The following CDH23 variants were observed in gnomAD, a reference collection of about 807,000 sequenced individuals.
The protein encoded by CDH23 is cadherin related 23.
In CDH23, 189 loss-of-function variants were observed where a neutral mutation model predicts 317.1. That is an observed-to-expected ratio of 0.60 (90% CI 0.53 to 0.67). The LOEUF (loss-of-function observed/expected upper bound fraction) is 0.67. CDH23 is among the 30% of genes least tolerant of loss of function. CDH23 has a pLI of 0.00. For missense variants in CDH23, 4,401 were observed against 4,592.4 expected, an observed-to-expected ratio of 0.96 and a Z score of 1.20; for synonymous variants, 1,839 against 1,876.8, an observed-to-expected ratio of 0.98 and a Z score of 0.52.
intron 31 of CDH23, among the ~76,000 whole-genome samples, chr10:71,731,290 C>T (rs1424556550): frequency 5.9e-5 from 9 of 152,252 alleles, no homozygotes; most frequent in Non-Finnish European, 1.3e-4. Context: ...TCCTTCATGT[C>T]AGCTACTCTG....
chr10:71,521,100 GC>G (rs1165033645), intron 6 of CDH23, among the ~76,000 whole-genome samples: 1 of 151,850 alleles, frequency 6.6e-6, no homozygotes, highest in Non-Finnish European at 1.5e-5. Context: ...CTATTAAAAA[GC>G]CCGCTCTTCT....
intron 3 of CDH23, among the ~76,000 whole-genome samples, chr10:71,466,032 C>T (rs970925355): frequency 3.9e-5 from 6 of 152,174 alleles, no homozygotes; most frequent in African/African-American, 1.2e-4. Context: ...TCCCCAGGGA[C>T]GGCTTCAACG....
At chr10:71,491,192 C>G (rs2132140519) in intron 3 of CDH23, among the ~76,000 whole-genome samples, 1 of 152,280 alleles carries the variant, frequency 6.6e-6, no homozygotes, top group East Asian at 1.9e-4. Flanking sequence ...TGCCCTGAGA[C>G]CCTCCTTCCA....
intron 18 of CDH23, among the ~76,000 whole-genome samples, chr10:71,685,254 G>A (rs536454195): frequency 1.5e-4 from 23 of 152,332 alleles, no homozygotes; most frequent in Non-Finnish European, 3.2e-4. Context: ...TGCAGGTGAT[G>A]TGGATGCTTC....
chr10:71,728,092 C>T (rs1866895960), intron 30 of CDH23, among the ~76,000 whole-genome samples: 1 of 152,084 alleles, frequency 6.6e-6, no homozygotes, highest in Non-Finnish European at 1.5e-5. Context: ...GTCATTTGGA[C>T]AAGCAGATTG....
At chr10:71,626,012 A>T (rs1377562254) in intron 11 of CDH23, among the ~76,000 whole-genome samples, 1 of 152,200 alleles carries the variant, frequency 6.6e-6, no homozygotes, top group Non-Finnish European at 1.5e-5. Context: ...ATCTCAAAAT[A>T]CCATTTACGC....
chr10:71,810,663 A>C, intron 62 of CDH23, 94 bp downstream of exon 62: 1 of 1,143,942 alleles, frequency 8.7e-7, no homozygotes, highest in Non-Finnish European at 1.3e-6. Flanking sequence ...GGAGACACAG[A>C]CCACACCATC....
intron 10 of CDH23, among the ~76,000 whole-genome samples, 174 bp downstream of exon 10, chr10:71,615,790 G>A (rs1011898095): frequency 1.3e-5 from 2 of 152,216 alleles, no homozygotes; most frequent in African/African-American, 4.8e-5. Context: ...CCATCAGGAA[G>A]GCACCCACGT....
At chr10:71,567,031 GCA>G in intron 7 of CDH23, 95 bp downstream of exon 7, 3 of 1,100,214 alleles carry the variant, frequency 2.7e-6, no homozygotes. Context: ...TGACCCAGTG[GCA>G]CACACTCGAT....
chr10:71,792,852 AAT>A (rs1554874675), intron 47 of CDH23, among the ~76,000 whole-genome samples: 1,114 of 38,464 alleles, frequency 0.029, 25 homozygotes, highest in Middle Eastern at 0.04. Flanking sequence ...AAAAAAAAAA[AAT>A]ATATATATAT....
chr10:71,695,453 C>T lies in CDH23; in HGVS notation c.2325C>T (p.His775=). 3.1e-6 allele frequency: 5 copies of T among 1,613,568 alleles called. No individual in the cohort carries two copies. The highest frequency in any genetic ancestry group is 4.2e-6 in the Non-Finnish European group (5 of 1,179,466). The change falls in exon 22 of 70, where the codon CAC becomes CAT. Residue 775 remains histidine (H), a synonymous_variant. Coordinates refer to ENST00000224721, the MANE Select transcript of CDH23 (RefSeq NM_022124.6). ...CCCTCCTGGACATCAATGACAACCA[C>T]CCCACGTGGAAGGACGCACCCTACT... ...NITLLDINDN[H]PTWKDAPYYI...
rs543747882 is a variant in CDH23 at position 71,567,629 on chromosome 10, T to C, written c.624+693T>C. On this transcript the variant is annotated intron_variant, in intron 7 of 69. Transcript: ENST00000224721. ...TCTCAGTCCAGTGCCCTGACCACCA[T>C]GCCCCATGGCTAGACATCTCCAGGT... Among the ~76,000 whole-genome samples the C allele has an allele frequency of 9.2e-5, 14 of 152,360 alleles. No individual in the cohort carries two copies. In the East Asian group the frequency reaches 2.3e-3, roughly 25 times the overall value.
intron 3 of CDH23, among the ~76,000 whole-genome samples, chr10:71,472,087 C>G (rs1195236343): frequency 1.3e-5 from 2 of 152,210 alleles, no homozygotes; most frequent in Non-Finnish European, 2.9e-5. Context: ...TGTTTGTCCT[C>G]AGCTCCATTC....
At chr10:71,430,955 G>A (rs964118015) in intron 1 of CDH23, among the ~76,000 whole-genome samples, 1 of 152,178 alleles carries the variant, frequency 6.6e-6, no homozygotes, top group African/African-American at 2.4e-5. Context: ...ACATGGTCAT[G>A]TAAAAAGCTA....
chr10:71,792,852 AATATATAT>A (rs1554874675), intron 47 of CDH23, among the ~76,000 whole-genome samples: 9 of 38,522 alleles, frequency 2.3e-4, no homozygotes, highest in Middle Eastern at 0.02. Context: ...AAAAAAAAAA[AATATATAT>A]ATATATATAT....
intron 3 of CDH23, among the ~76,000 whole-genome samples, chr10:71,451,471 T>G (rs966888745): frequency 1.3e-5 from 2 of 152,154 alleles, no homozygotes; most frequent in African/African-American, 4.8e-5. Flanking sequence ...CTAGCTCTAC[T>G]TCATCTGTGC....
Position 71,732,250 on chromosome 10 carries a change from G to A in CDH23, c.3979G>A (p.Ala1327Thr), listed in dbSNP as rs745409129. 6.2e-7 allele frequency: 1 copy of A among 1,613,722 alleles called. No homozygotes were observed. The highest frequency in any genetic ancestry group is 8.5e-7 in the Non-Finnish European group (1 of 1,179,770). The change falls in exon 32 of 70, where the codon GCA becomes ACA. Residue 1327 changes from alanine to threonine, a missense_variant. Around this residue, in one of 3 missense-constraint regions of CDH23, gnomAD observed 3,068 missense variants for 3,203.3 expected, o/e 0.96. Transcript: ENST00000224721. ...CGAGGCTGCCATCCTGGAGAATCTG[G>A]CACTGGGTACTGAGATTGTGCGGGT... ...SYEAAILENL[A>T]LGTEIVRVQA...
intron 38 of CDH23, among the ~76,000 whole-genome samples, chr10:71,762,565 G>A (rs1196798464): frequency 2.0e-5 from 3 of 152,240 alleles, no homozygotes; most frequent in African/African-American, 7.2e-5. Context: ...TTGAGCAGAC[G>A]AGGCCTGCAT....
At chr10:71,740,357 C>T (rs72817954) in intron 36 of CDH23, among the ~76,000 whole-genome samples, 7 of 152,224 alleles carry the variant, frequency 4.6e-5, no homozygotes, top group African/African-American at 1.2e-4. Flanking sequence ...AGCCATAGGG[C>T]GCCAGCTCAT....
Sources: allele counts gnomAD v4.1 joint callset (sites outside exome capture counted in the v4.1 genomes callset), GRCh38; gene constraint gnomAD v4.1.1; regional missense constraint gnomAD v4.1.1; transcripts MANE v1.5; gene names NCBI Gene and HGNC (gene_info 2026-07-23, HGNC 2026-07-21).